The following ANKIB1 variants were observed in gnomAD, a reference collection of about 807,000 sequenced individuals.
The protein encoded by ANKIB1 is ankyrin repeat and IBR domain containing 1.
Under a neutral mutation model 122.1 loss-of-function variants are expected in ANKIB1, and 43 were observed. The ratio of observed to expected loss-of-function variants is 0.35; its 90% CI spans 0.28 to 0.45. The LOEUF is 0.45. ANKIB1 is among the 20% of genes least tolerant of loss of function. The probability of loss-of-function intolerance (pLI) is 1.00; values close to 1 mark genes in which losing one functional copy is unlikely to be tolerated. For synonymous variants in ANKIB1, 390 were observed against 442.0 expected (o/e 0.88, Z 1.48); for missense variants, 992 against 1,329.5 (o/e 0.75, Z 3.95).
chr7:92,391,068 A>G (rs2115708956), intron 15 of ANKIB1, 98 bp from the exon 16 acceptor site: 1 of 1,030,390 alleles, frequency 9.7e-7, no homozygotes, highest in Middle Eastern at 2.2e-4. Context: ...TCTTACTTCA[A>G]AAGAGTTAGA....
intron 2 of ANKIB1, among the ~76,000 whole-genome samples, chr7:92,301,435 T>A (rs1269439399): frequency 6.6e-6 from 1 of 152,166 alleles, no homozygotes; most frequent in Non-Finnish European, 1.5e-5. Context: ...TTTCTGTGAT[T>A]ATTGGTGATG....
intron 15 of ANKIB1, 28 bp from the exon 16 acceptor site, chr7:92,391,138 A>ATTT (rs530415288): frequency 9.4e-6 from 11 of 1,168,810 alleles, no homozygotes; most frequent in South Asian, 6.2e-5. Context: ...GAAGCCTGTG[A>ATTT]TTTTTTTTTT....
intron 1 of ANKIB1, among the ~76,000 whole-genome samples, chr7:92,281,296 C>G (rs1802008177): frequency 6.6e-6 from 1 of 152,152 alleles, no homozygotes; most frequent in Admixed American, 6.5e-5. Flanking sequence ...TCCAGACTTT[C>G]TGAAGAAAAG....
chr7:92,297,885 G>T (rs764784079), intron 2 of ANKIB1, among the ~76,000 whole-genome samples: 1 of 152,010 alleles, frequency 6.6e-6, no homozygotes, highest in Non-Finnish European at 1.5e-5. Context: ...ATTCAAACTG[G>T]TTGATTGACT....
intron 7 of ANKIB1, among the ~76,000 whole-genome samples, chr7:92,345,488 T>G (rs150791803): frequency 3.3e-5 from 5 of 152,246 alleles, no homozygotes; most frequent in African/African-American, 1.2e-4. Context: ...AAATTTCTTT[T>G]TAGTGAATGC....
At chr7:92,266,044 C>T (rs1801666199) in intron 1 of ANKIB1, among the ~76,000 whole-genome samples, 1 of 152,166 alleles carries the variant, frequency 6.6e-6, no homozygotes, top group Non-Finnish European at 1.5e-5. Context: ...GGAGCAAGCT[C>T]AGAGGACCTC....
chr7:92,284,127 G>A (rs1258730457), intron 1 of ANKIB1, among the ~76,000 whole-genome samples: 1 of 152,156 alleles, frequency 6.6e-6, no homozygotes, highest in African/African-American at 2.4e-5. Flanking sequence ...TAATATTTGT[G>A]ACATTTAAAC....
At chr7:92,376,182 T>C (rs1483689903) in intron 11 of ANKIB1, among the ~76,000 whole-genome samples, 1 of 152,206 alleles carries the variant, frequency 6.6e-6, no homozygotes, top group Non-Finnish European at 1.5e-5. Flanking sequence ...TAAATGAGCA[T>C]TGGCTTCAAC....
chr7:92,390,283 T>C (rs1804758866), intron 15 of ANKIB1, among the ~76,000 whole-genome samples, 167 bp downstream of exon 15: 1 of 152,224 alleles, frequency 6.6e-6, no homozygotes, highest in African/African-American at 2.4e-5. Flanking sequence ...AGTAACAAAT[T>C]GAAATTTTCT....
At chr7:92,261,073 G>C (rs1467158046) in intron 1 of ANKIB1, among the ~76,000 whole-genome samples, 1 of 151,952 alleles carries the variant, frequency 6.6e-6, no homozygotes, top group Non-Finnish European at 1.5e-5. Context: ...TTTTTGGCCG[G>C]GCGCGGTGGC....
intron 1 of ANKIB1, among the ~76,000 whole-genome samples, chr7:92,292,154 G>A (rs1223848534): frequency 1.7e-4 from 26 of 152,212 alleles, no homozygotes; most frequent in Admixed American, 1.7e-3. Context: ...AAGGATACAT[G>A]TGGCAAATTT....
intron 1 of ANKIB1, among the ~76,000 whole-genome samples, chr7:92,276,769 C>T (rs1801913789): frequency 1.3e-5 from 2 of 152,204 alleles, no homozygotes; most frequent in South Asian, 4.1e-4. Flanking sequence ...TCTAGTTCTT[C>T]AGGCTTTTCA....
At position 92,340,050 on chromosome 7, in the gene ANKIB1, A is replaced by G. The variant is rs73230434; in HGVS notation, c.788-2974A>G. ...TTTTTCTCCCTTGGCCTTAAAGAAC[A>G]TTAATTTGTGTCTCAAATGGGACCA... On this transcript the variant is annotated intron_variant, in intron 5 of 19. Coordinates refer to ENST00000265742, the MANE Select transcript of ANKIB1 (RefSeq NM_019004.2). Among the ~76,000 whole-genome samples the G allele has an allele frequency of 8.8e-4, 134 of 152,176 alleles. 1 individual carries two copies. The highest frequency in any genetic ancestry group is 2.7e-3 in the South Asian group (13 of 4,828).
intron 1 of ANKIB1, among the ~76,000 whole-genome samples, chr7:92,269,197 A>T (rs1801734449): frequency 6.6e-6 from 1 of 152,226 alleles, no homozygotes; most frequent in African/African-American, 2.4e-5. Context: ...AGATTGAATC[A>T]GTGGGATAGC....
At chr7:92,372,001 G>GTGTGTA (rs1804272324) in intron 11 of ANKIB1, among the ~76,000 whole-genome samples, 1 of 131,078 alleles carries the variant, frequency 7.6e-6, no homozygotes, top group Admixed American at 7.4e-5. Flanking sequence ...GTGTGTGTGT[G>GTGTGTA]TGTGTGTGTG....
chr7:92,328,036 G>T, intron 5 of ANKIB1, 136 bp downstream of exon 5: 1 of 597,954 alleles, frequency 1.7e-6, no homozygotes, highest in Non-Finnish European at 2.9e-6. Context: ...GTTTTGTGCA[G>T]TTGTTACTTC....
intron 11 of ANKIB1, among the ~76,000 whole-genome samples, chr7:92,383,314 C>G (rs1318205408): frequency 6.6e-6 from 1 of 152,068 alleles, no homozygotes; most frequent in Non-Finnish European, 1.5e-5. Context: ...CCAGAGCTGC[C>G]AAGAGGAGAT....
At position 92,350,005 on chromosome 7, in the gene ANKIB1, T is replaced by TA. The variant is rs147124525; in HGVS notation, c.1086-931dup. Among the ~76,000 whole-genome samples, 114 of 130,392 alleles carry TA rather than the reference T, an allele frequency of 8.7e-4. 1 individual carries two copies. Among genetic ancestry groups the TA allele is most frequent in the East Asian group, 2.3e-3 (11 of 4,704 alleles). 85.5% of individuals were successfully genotyped at this position (130,392 alleles called of 152,430 possible). ...ACCTAGGCAAAGAGAGACCCCATCTTAAAAAAAAAAAAAAGAAAGAAAAGG... is the reference window on the plus strand; with the variant it reads ...ACCTAGGCAAAGAGAGACCCCATCTTAAAAAAAAAAAAAAAGAAAGAAAAGG... On this transcript the variant is annotated intron_variant, in intron 7 of 19. Coordinates refer to ENST00000265742, the MANE Select transcript of ANKIB1 (RefSeq NM_019004.2).
At chr7:92,313,263 C>T (rs1413202437) in intron 3 of ANKIB1, among the ~76,000 whole-genome samples, 22 of 152,128 alleles carry the variant, frequency 1.4e-4, no homozygotes, top group Non-Finnish European at 4.4e-5. Context: ...CACACTTTTC[C>T]TTTACAGCTA....
Sources: gnomAD v4.1 joint callset for allele counts (sites outside exome capture counted in the v4.1 genomes callset) on GRCh38, gnomAD v4.1.1 for gene constraint, MANE v1.5 for transcripts, NCBI Gene and HGNC (gene_info 2026-07-23, HGNC 2026-07-21) for gene names.